The following GALNTL6 variants were observed in gnomAD, a reference collection of about 807,000 sequenced individuals.
GALNTL6 encodes polypeptide N-acetylgalactosaminyltransferase-like 6.
Under a neutral mutation model 73.7 loss-of-function variants are expected in GALNTL6, and 46 were observed. The ratio of observed to expected loss-of-function variants is 0.62; its 90% CI spans 0.49 to 0.80. The LOEUF is 0.80. GALNTL6 is among the 30% of genes least tolerant of loss of function. The pLI, the probability that GALNTL6 is intolerant of heterozygous loss-of-function variation, is 0.00. For missense variants in GALNTL6, 604 were observed against 755.0 expected (o/e 0.80, Z 2.34); for synonymous variants, 259 against 263.7 (o/e 0.98, Z 0.17).
chr4:171,999,740 A>G (rs1372740250), intron 2 of GALNTL6, among the ~76,000 whole-genome samples: 3 of 128,274 alleles, frequency 2.3e-5, no homozygotes, highest in Non-Finnish European at 5.1e-5. Flanking sequence ...AATATGACAG[A>G]TTCTTACAAC....
chr4:172,300,729 C>G (rs966514490), intron 3 of GALNTL6, among the ~76,000 whole-genome samples: 2 of 152,050 alleles, frequency 1.3e-5, no homozygotes, highest in African/African-American at 4.8e-5. Context: ...GAGTTTCTGC[C>G]GAGATATCAG....
At chr4:172,677,620 C>T (rs1732377868) in intron 5 of GALNTL6, among the ~76,000 whole-genome samples, 1 of 151,994 alleles carries the variant, frequency 6.6e-6, no homozygotes, top group Admixed American at 6.6e-5. Flanking sequence ...AGAGGTAGAT[C>T]TAAAGAATTG....
At chr4:171,942,441 A>G (rs1368337776) in intron 2 of GALNTL6, among the ~76,000 whole-genome samples, 1 of 152,116 alleles carries the variant, frequency 6.6e-6, no homozygotes, top group Non-Finnish European at 1.5e-5. Flanking sequence ...AGCACTTTCC[A>G]TGATAGGTCT....
At chr4:172,409,707 G>A (rs962849274) in intron 5 of GALNTL6, among the ~76,000 whole-genome samples, 68 of 151,928 alleles carry the variant, frequency 4.5e-4, no homozygotes, top group Non-Finnish European at 1.0e-4. Context: ...ATTTCCTGAT[G>A]TTGGTATTTA....
rs985533848 is a variant in GALNTL6 at position 172,316,003 on chromosome 4, A to T, written c.386+4251A>T. On this transcript the variant is annotated intron_variant, in intron 4 of 12. Transcript: ENST00000506823. ...GTAAAAATGGCCTATATAGAAAAGA[A>T]GCTCTGATAAATTTGTGCATGAATA... is the stretch of plus-strand genomic sequence containing the variant. Among the ~76,000 whole-genome samples the T allele has an allele frequency of 3.3e-5, 5 of 152,202 alleles. No homozygotes were observed. In the East Asian group the frequency reaches 5.8e-4, roughly 18 times the overall value.
At chr4:172,363,636 A>G (rs967184229) in intron 5 of GALNTL6, among the ~76,000 whole-genome samples, 1 of 152,168 alleles carries the variant, frequency 6.6e-6, no homozygotes, top group Non-Finnish European at 1.5e-5. Flanking sequence ...GTGAGTTTAT[A>G]TCTATCTTTA....
At chr4:172,334,675 A>G (rs1408218868) in intron 4 of GALNTL6, among the ~76,000 whole-genome samples, 1 of 152,160 alleles carries the variant, frequency 6.6e-6, no homozygotes, top group Non-Finnish European at 1.5e-5. Context: ...CAGAGAAGAA[A>G]AAAAATTTGA....
intron 3 of GALNTL6, among the ~76,000 whole-genome samples, chr4:172,233,569 A>C (rs1454400936): frequency 6.6e-6 from 1 of 152,068 alleles, no homozygotes; most frequent in East Asian, 1.9e-4. Context: ...ATTATAAATT[A>C]AGTTTCCATA....
chr4:172,477,654 A>G (rs1341922340), intron 5 of GALNTL6, among the ~76,000 whole-genome samples: 1 of 152,236 alleles, frequency 6.6e-6, no homozygotes, highest in Admixed American at 6.5e-5. Flanking sequence ...GATCTCAGGG[A>G]AGGTCAAATT....
chr4:172,993,922 CA>C (rs1237630020), intron 10 of GALNTL6, among the ~76,000 whole-genome samples: 2 of 152,128 alleles, frequency 1.3e-5, no homozygotes, highest in Non-Finnish European at 2.9e-5. Flanking sequence ...AACTCCATCT[CA>C]AAAACAAACA....
chr4:172,867,654 G>A (rs1173974472), intron 7 of GALNTL6, among the ~76,000 whole-genome samples: 1 of 152,202 alleles, frequency 6.6e-6, no homozygotes, highest in African/African-American at 2.4e-5. Flanking sequence ...TCGCCACTAA[G>A]GCCAACAGCA....
At chr4:172,304,074 C>G (rs1001687029) in intron 3 of GALNTL6, among the ~76,000 whole-genome samples, 6 of 51,552 alleles carry the variant, frequency 1.2e-4, no homozygotes, top group Non-Finnish European at 2.4e-4. Context: ...TCACAATATT[C>G]TGGGTTTTTT....
rs924730525 is a variant in GALNTL6 at position 172,538,748 on chromosome 4, G to A, written c.553+190059G>A. 3.9e-5 allele frequency among the ~76,000 whole-genome samples: 6 copies of A among 152,222 alleles called. 1 individual carries two copies. The highest frequency in any genetic ancestry group is 7.4e-5 in the Non-Finnish European group (5 of 67,996). On this transcript the variant is annotated intron_variant, in intron 5 of 12. Coordinates refer to ENST00000506823, the MANE Select transcript of GALNTL6 (RefSeq NM_001034845.3). Reference sequence around the variant, plus strand: ...AGTATAACATTTTACTTCTAAGAATGGGACTAAAAATAAAGGCATTCTAGA... The same window carrying A: ...AGTATAACATTTTACTTCTAAGAATAGGACTAAAAATAAAGGCATTCTAGA...
At chr4:172,879,615 C>T (rs1341225294) in intron 7 of GALNTL6, among the ~76,000 whole-genome samples, 1 of 151,818 alleles carries the variant, frequency 6.6e-6, no homozygotes, top group Non-Finnish European at 1.5e-5. Context: ...TTGTAGTAGT[C>T]TGCTAAAGCA....
chr4:171,890,792 G>A (rs924656698), intron 2 of GALNTL6, among the ~76,000 whole-genome samples: 1 of 152,078 alleles, frequency 6.6e-6, no homozygotes, highest in Non-Finnish European at 1.5e-5. Context: ...GTTAGGCTGT[G>A]CAATTCCAGA....
chr4:172,905,633 T>C (rs1324965074), intron 8 of GALNTL6, among the ~76,000 whole-genome samples: 1 of 151,990 alleles, frequency 6.6e-6, no homozygotes, highest in East Asian at 1.9e-4. Context: ...TATTTGTGCC[T>C]AAGATAAAAT....
intron 2 of GALNTL6, among the ~76,000 whole-genome samples, chr4:172,054,665 ATAT>A (rs1455730941): frequency 6.6e-6 from 1 of 152,190 alleles, no homozygotes; most frequent in Non-Finnish European, 1.5e-5. Flanking sequence ...TCATCCCCAA[ATAT>A]TATAACATTG....
chr4:171,897,459 G>A (rs924595628), intron 2 of GALNTL6, among the ~76,000 whole-genome samples: 4 of 152,094 alleles, frequency 2.6e-5, no homozygotes, highest in Non-Finnish European at 5.9e-5. Flanking sequence ...ACACAACAGA[G>A]GGAAAGAAAT....
At chr4:171,983,993 C>T (rs184695949) in intron 2 of GALNTL6, among the ~76,000 whole-genome samples, 18 of 152,274 alleles carry the variant, frequency 1.2e-4, no homozygotes, top group Admixed American at 2.6e-4. Flanking sequence ...TGCCCAGCAG[C>T]ATCTCAGGAC....
Sources: gnomAD v4.1 joint callset for allele counts (sites outside exome capture counted in the v4.1 genomes callset) on GRCh38, gnomAD v4.1.1 for gene constraint, MANE v1.5 for transcripts, NCBI Gene and HGNC (gene_info 2026-07-23, HGNC 2026-07-21) for gene names.